CCSER1: variants seen among roughly 807,000 people sequenced by gnomAD.
The protein encoded by CCSER1 is coiled-coil serine rich protein 1.
CCSER1 carries 41 observed loss-of-function variants against 82.0 expected under a neutral mutation model. That is an observed-to-expected ratio of 0.50 (90% CI 0.39 to 0.65). The LOEUF (loss-of-function observed/expected upper bound fraction) is 0.65. Ranked by LOEUF, CCSER1 falls within the 30% of genes least tolerant of loss-of-function variation. The pLI, the probability that CCSER1 is intolerant of heterozygous loss-of-function variation, is 0.00. For synonymous variants in CCSER1, 414 were observed against 383.9 expected (o/e 1.08, Z -0.92); for missense variants, 1,119 against 1,064.2 (o/e 1.05, Z -0.72).
intron 4 of CCSER1, among the ~76,000 whole-genome samples, chr4:90,415,253 G>C (rs1222524267): frequency 2.0e-5 from 3 of 152,136 alleles, no homozygotes; most frequent in Non-Finnish European, 2.9e-5. Context: ...TTTGAATCGG[G>C]AATAATTTGC....
intron 8 of CCSER1, among the ~76,000 whole-genome samples, chr4:90,899,919 G>A (rs1724343983): frequency 6.6e-6 from 1 of 151,714 alleles, no homozygotes; most frequent in Admixed American, 6.6e-5. Flanking sequence ...TTTTTCTGTT[G>A]TGTCCTTGCC....
intron 8 of CCSER1, among the ~76,000 whole-genome samples, chr4:90,920,992 T>C (rs1228596787): frequency 6.6e-6 from 1 of 151,628 alleles, no homozygotes; most frequent in Non-Finnish European, 1.5e-5. Flanking sequence ...TCTGATAAAA[T>C]ATATATATTT....
intron 9 of CCSER1, among the ~76,000 whole-genome samples, chr4:90,975,332 A>G (rs1177393187): frequency 2.6e-5 from 4 of 151,362 alleles, no homozygotes; most frequent in African/African-American, 9.7e-5. Context: ...GAAACACAGA[A>G]TTGTATAATT....
intron 4 of CCSER1, among the ~76,000 whole-genome samples, chr4:90,449,928 T>A (rs1165156640): frequency 6.6e-6 from 1 of 152,174 alleles, no homozygotes; most frequent in Non-Finnish European, 1.5e-5. Flanking sequence ...TAGCTCCTGC[T>A]GGCTCCATGG....
At chr4:91,320,905 G>A (rs1746148419) in intron 10 of CCSER1, among the ~76,000 whole-genome samples, 1 of 151,970 alleles carries the variant, frequency 6.6e-6, no homozygotes, top group Non-Finnish European at 1.5e-5. Flanking sequence ...TTTAGTAATA[G>A]GAAAGTGAAT....
At chr4:90,975,943 T>C (rs1735572693) in intron 9 of CCSER1, among the ~76,000 whole-genome samples, 1 of 151,276 alleles carries the variant, frequency 6.6e-6, no homozygotes, top group Non-Finnish European at 1.5e-5. Flanking sequence ...AGACCTTTAC[T>C]GGGAATTTAG....
chr4:91,582,742 A>T (rs372193965), intron 10 of CCSER1, among the ~76,000 whole-genome samples: 15 of 151,506 alleles, frequency 9.9e-5, no homozygotes, highest in African/African-American at 3.4e-4. Context: ...TCAATCAATC[A>T]ATCTATCATC....
intron 10 of CCSER1, among the ~76,000 whole-genome samples, chr4:91,347,541 T>G (rs914842320): frequency 6.6e-6 from 1 of 152,086 alleles, no homozygotes; most frequent in African/African-American, 2.4e-5. Context: ...TTGTGTTTAA[T>G]GTATTGATCA....
chr4:91,525,496 A>C (rs983836144), intron 10 of CCSER1, among the ~76,000 whole-genome samples: 3 of 152,218 alleles, frequency 2.0e-5, no homozygotes, highest in African/African-American at 7.2e-5. Flanking sequence ...AGGAAATTGT[A>C]ATCCACTGTG....
rs149544118 is a variant in CCSER1 at position 90,801,234 on chromosome 4, A to T, written c.2011-14528A>T. Among the ~76,000 whole-genome samples the T allele has an allele frequency of 5.2e-3, 787 of 152,304 alleles. 7 individuals are homozygous for T. Among genetic ancestry groups the T allele is most frequent in the African/African-American group, 0.018 (738 of 41,566 alleles). Reference sequence around the variant, plus strand: ...TGATGAACACTTTCTTGGTATTATGATATATGTTTTTCTTTTATTTCATCT... The same window carrying T: ...TGATGAACACTTTCTTGGTATTATGTTATATGTTTTTCTTTTATTTCATCT... On this transcript the variant is annotated intron_variant, in intron 7 of 10. Coordinates refer to ENST00000509176, the MANE Select transcript of CCSER1 (RefSeq NM_001145065.2).
intron 9 of CCSER1, among the ~76,000 whole-genome samples, chr4:90,925,260 G>T (rs7672486): frequency 0.41 from 62,515 of 151,772 alleles, 13,229 homozygotes; most frequent in African/African-American, 0.51. Context: ...TTTTAAATAA[G>T]TTAACTGAAT....
chr4:91,494,421 A>G (rs1758704409), intron 10 of CCSER1, among the ~76,000 whole-genome samples: 1 of 151,818 alleles, frequency 6.6e-6, no homozygotes, highest in African/African-American at 2.4e-5. Flanking sequence ...GTTTCCATGA[A>G]TCTTTAATTC....
intron 5 of CCSER1, among the ~76,000 whole-genome samples, chr4:90,627,465 T>C (rs757239198): frequency 3.3e-5 from 5 of 151,934 alleles, no homozygotes; most frequent in Non-Finnish European, 5.9e-5. Context: ...ATGTATAGTA[T>C]TGAAATTAAG....
At chr4:91,409,960 T>C (rs778291541) in intron 10 of CCSER1, among the ~76,000 whole-genome samples, 8 of 152,170 alleles carry the variant, frequency 5.3e-5, no homozygotes, top group Non-Finnish European at 8.8e-5. Context: ...CCACATATTC[T>C]CTAGATTCGT....
At chr4:90,208,350 C>T (rs1578498503) in intron 1 of CCSER1, among the ~76,000 whole-genome samples, 2 of 152,254 alleles carry the variant, frequency 1.3e-5, no homozygotes, top group Admixed American at 1.3e-4. Flanking sequence ...GATGCCCCTC[C>T]CCCAACCAAG....
chr4:90,864,473 A>G (rs1384372908), intron 8 of CCSER1, among the ~76,000 whole-genome samples: 1 of 151,900 alleles, frequency 6.6e-6, no homozygotes, highest in East Asian at 1.9e-4. Context: ...TTCTTATACT[A>G]TCTCTGGCAA....
At chr4:90,443,475 C>A (rs577269792) in intron 4 of CCSER1, among the ~76,000 whole-genome samples, 18 of 152,156 alleles carry the variant, frequency 1.2e-4, no homozygotes, top group African/African-American at 4.3e-4. Context: ...CAGAGCAGGA[C>A]AGCAGGAAAT....
chr4:90,571,831 A>T (rs928829658), intron 5 of CCSER1, among the ~76,000 whole-genome samples: 2 of 152,164 alleles, frequency 1.3e-5, no homozygotes, highest in African/African-American at 4.8e-5. Flanking sequence ...TGCATATTTT[A>T]TATTGCACAT....
chr4:90,798,984 G>A (rs187951797), intron 7 of CCSER1, among the ~76,000 whole-genome samples: 41 of 152,308 alleles, frequency 2.7e-4, no homozygotes, highest in East Asian at 9.7e-4. Flanking sequence ...TCGTTCTCAC[G>A]TGCTAGCAGC....
Sources: allele counts gnomAD v4.1 joint callset (sites outside exome capture counted in the v4.1 genomes callset), GRCh38; gene constraint gnomAD v4.1.1; transcripts MANE v1.5; gene names NCBI Gene and HGNC (gene_info 2026-07-23, HGNC 2026-07-21).